The following DRC11 variants were observed in gnomAD, a reference collection of about 807,000 sequenced individuals.
The protein encoded by DRC11 is IQ and AAA domain-containing protein 1.
chr2:236,321,880 C>A, the DRC11 span, among the ~76,000 whole-genome samples: 1 of 152,180 alleles, frequency 6.6e-6, no homozygotes, highest in African/African-American at 2.4e-5. Context: ...TAACCACCAA[C>A]TTCACACTCA....
At chr2:236,357,510 A>G in the DRC11 span, among the ~76,000 whole-genome samples, 144 of 127,324 alleles carry the variant, frequency 1.1e-3, no homozygotes, top group Non-Finnish European at 1.8e-3. Context: ...TTTACATATT[A>G]TAAATATATT....
the DRC11 span, among the ~76,000 whole-genome samples, chr2:236,414,105 G>T: frequency 5.0e-4 from 76 of 152,256 alleles, no homozygotes; most frequent in South Asian, 1.0e-3. Flanking sequence ...TTTTTTGAGA[G>T]TTCTGTATAT....
At chr2:236,334,963 C>T in the DRC11 span, among the ~76,000 whole-genome samples, 3 of 152,224 alleles carry the variant, frequency 2.0e-5, no homozygotes, top group African/African-American at 7.2e-5. This position sits in a 1 kb window ranked among gnomAD's most constrained non-coding sequence, Gnocchi z 7.8. Context: ...GGGCATCCAT[C>T]AGCCTGGGGG....
chr2:236,416,946 G>A, the DRC11 span, among the ~76,000 whole-genome samples: 1 of 151,396 alleles, frequency 6.6e-6, no homozygotes, highest in Non-Finnish European at 1.5e-5. Flanking sequence ...TTTTTGTAGA[G>A]ATGGGGTTTC....
chr2:236,387,756 C>T, the DRC11 span, among the ~76,000 whole-genome samples: 5 of 151,894 alleles, frequency 3.3e-5, no homozygotes, highest in African/African-American at 1.2e-4. Flanking sequence ...TCTTCCTAGT[C>T]TCGATGGTCT....
chr2:236,416,744 TATA>T, the DRC11 span, among the ~76,000 whole-genome samples: 1 of 57,566 alleles, frequency 1.7e-5, no homozygotes, highest in African/African-American at 6.7e-5. Context: ...TATATATATA[TATA>T]TATATATATA....
chr2:236,321,851 G>C, the DRC11 span, among the ~76,000 whole-genome samples: 12 of 152,208 alleles, frequency 7.9e-5, no homozygotes, highest in East Asian at 5.8e-4. Flanking sequence ...CACAGAGGGT[G>C]GGGGGGAAGT....
chr2:236,452,428 A>T, the DRC11 span, among the ~76,000 whole-genome samples: 1 of 152,130 alleles, frequency 6.6e-6, no homozygotes, highest in Non-Finnish European at 1.5e-5. This position sits in a 1 kb window ranked among gnomAD's most constrained non-coding sequence, Gnocchi z 4.7. Context: ...GGTCCCCCCC[A>T]AGTCATCCAG....
the DRC11 span, among the ~76,000 whole-genome samples, chr2:236,411,683 T>C: frequency 6.8e-6 from 1 of 147,174 alleles, no homozygotes; most frequent in Non-Finnish European, 1.5e-5. Context: ...TAAGAAAATG[T>C]GGCACATATA....
chr2:236,448,029 ATAATTAT>A, the DRC11 span, among the ~76,000 whole-genome samples: 1 of 152,228 alleles, frequency 6.6e-6, no homozygotes, highest in Non-Finnish European at 1.5e-5. This position sits in a 1 kb window ranked among gnomAD's most constrained non-coding sequence, Gnocchi z 5.3. Context: ...TGCAATTTAA[ATAATTAT>A]TATGCAAAAA....
the DRC11 span, among the ~76,000 whole-genome samples, chr2:236,403,667 A>T: frequency 6.6e-6 from 1 of 152,088 alleles, no homozygotes; most frequent in Non-Finnish European, 1.5e-5. Flanking sequence ...GCTGAACTTC[A>T]TTTTATTTGC....
chr2:236,498,483 G>C, the DRC11 span, among the ~76,000 whole-genome samples: 1 of 151,530 alleles, frequency 6.6e-6, no homozygotes, highest in Non-Finnish European at 1.5e-5. Flanking sequence ...AAAAGAGTGA[G>C]GTGAGGTGCA....
At chr2:236,422,793 T>C in the DRC11 span, among the ~76,000 whole-genome samples, 1 of 152,058 alleles carries the variant, frequency 6.6e-6, no homozygotes, top group Non-Finnish European at 1.5e-5. Context: ...ACTACCTGAC[T>C]TCAAACTATA....
the DRC11 span, among the ~76,000 whole-genome samples, chr2:236,376,692 T>C: frequency 6.6e-6 from 1 of 152,198 alleles, no homozygotes; most frequent in South Asian, 2.1e-4. The surrounding 1 kb of genome is among the most constrained non-coding windows in gnomAD (Gnocchi z 5.7). Context: ...TGTGTCTCTA[T>C]TGGAAGGTAT....
At chr2:236,376,663 C>T in the DRC11 span, among the ~76,000 whole-genome samples, 1 of 152,158 alleles carries the variant, frequency 6.6e-6, no homozygotes, top group Non-Finnish European at 1.5e-5. This position sits in a 1 kb window ranked among gnomAD's most constrained non-coding sequence, Gnocchi z 5.7. Context: ...ATGTCCCCAC[C>T]TCATTCCTCC....
At chr2:236,309,386 G>A in the DRC11 span, among the ~76,000 whole-genome samples, 18 of 152,098 alleles carry the variant, frequency 1.2e-4, no homozygotes, top group Non-Finnish European at 2.4e-4. The surrounding 1 kb of genome is among the most constrained non-coding windows in gnomAD (Gnocchi z 5.7). Flanking sequence ...CATCCCGAGA[G>A]GTTCCAGGGT....
the DRC11 span, among the ~76,000 whole-genome samples, chr2:236,423,294 T>C: frequency 4.0e-5 from 6 of 151,640 alleles, no homozygotes; most frequent in African/African-American, 9.7e-5. Flanking sequence ...ATTTTTGCAA[T>C]CTACTCATCT....
chr2:236,406,313 C>T, the DRC11 span, among the ~76,000 whole-genome samples: 1 of 152,098 alleles, frequency 6.6e-6, no homozygotes, highest in African/African-American at 2.4e-5. This position sits in a 1 kb window ranked among gnomAD's most constrained non-coding sequence, Gnocchi z 4.7. Flanking sequence ...GCTTAAAGAG[C>T]GATTCAAATG....
the DRC11 span, among the ~76,000 whole-genome samples, chr2:236,499,601 G>C: frequency 6.6e-6 from 1 of 152,078 alleles, no homozygotes. This position sits in a 1 kb window ranked among gnomAD's most constrained non-coding sequence, Gnocchi z 4.7. Context: ...GCTAATTTTT[G>C]TATTTTTAGT....
Sources: allele counts gnomAD v4.1 joint callset (sites outside exome capture counted in the v4.1 genomes callset), GRCh38; gene constraint gnomAD v4.1.1; non-coding constraint Gnocchi (gnomAD v3.1); transcripts MANE v1.5; gene names NCBI Gene and HGNC (gene_info 2026-07-23, HGNC 2026-07-21).